SLC38A3: variants seen among roughly 807,000 people sequenced by gnomAD.
The protein encoded by SLC38A3 is solute carrier family 38 member 3, also known as sodium-coupled neutral amino acid transporter 3.
A neutral mutation model predicts 59.5 loss-of-function variants in SLC38A3; 17 were observed. That is an observed-to-expected ratio of 0.29 (90% CI 0.20 to 0.43). SLC38A3 has a LOEUF of 0.43. SLC38A3 is among the 20% of genes least tolerant of loss of function. The pLI, the probability that SLC38A3 is intolerant of heterozygous loss-of-function variation, is 1.00. For synonymous variants in SLC38A3, 238 were observed against 260.3 expected, an observed-to-expected ratio of 0.91 and a Z score of 0.82; for missense variants, 454 against 653.9, an observed-to-expected ratio of 0.69 and a Z score of 3.33.
In SLC38A3 at chr3:50,219,810, A is replaced by C. The variant is rs1008247188; in HGVS notation, c.1307-71A>C. 2.9e-5 allele frequency: 37 copies of C among 1,271,998 alleles called. No homozygotes were observed. The African/African-American group carries it at 4.9e-4, about 17-fold the overall frequency. The allele number at this position is 1,271,998 out of a possible 1,614,324, so 78.8% of individuals were successfully genotyped here. Reference sequence around the variant, plus strand: ...CAACAAGGAGTGTTTGATCTCATTGAAGAGTCCACCCCCGAACCTTAGTCA... The same window carrying C: ...CAACAAGGAGTGTTTGATCTCATTGCAGAGTCCACCCCCGAACCTTAGTCA... On this transcript the variant is annotated intron_variant, in intron 14 of 15. Coordinates refer to ENST00000614032, the MANE Select transcript of SLC38A3 (RefSeq NM_006841.6).
In SLC38A3 at chr3:50,215,919, G is replaced by A; in HGVS notation, c.548+98G>A. 1.2e-6 allele frequency: 1 copy of A among 808,282 alleles called. No homozygotes were observed. Among genetic ancestry groups the A allele is most frequent in the Non-Finnish European group, 2.0e-6 (1 of 501,340 alleles). The allele number at this position is 808,282 out of a possible 1,614,324, so 50.1% of individuals were successfully genotyped here. ...GTGAGGGTGGGGGGGCCCAGGCTGG[G>A]CTGGTGGGAGAGACAAGACAAAGCA... On this transcript the variant is annotated intron_variant, in intron 7 of 15. Transcript: ENST00000614032. This position sits in a 1 kb window ranked among gnomAD's most constrained non-coding sequence, Gnocchi z 7.1.
At chr3:50,211,673 C>T (rs1485086721) in intron 1 of SLC38A3, among the ~76,000 whole-genome samples, 1 of 150,138 alleles carries the variant, frequency 6.7e-6, no homozygotes, top group African/African-American at 2.4e-5. Context: ...ACTGCAACCT[C>T]CACCTCCTGG....
At chr3:50,211,971 A>C (rs886899873) in intron 1 of SLC38A3, among the ~76,000 whole-genome samples, 8 of 152,158 alleles carry the variant, frequency 5.3e-5, no homozygotes, top group Admixed American at 1.3e-4. Context: ...TGAGGGTGCT[A>C]TCTGGGGGGA....
intron 1 of SLC38A3, among the ~76,000 whole-genome samples, chr3:50,206,217 C>A (rs770380570): frequency 3.3e-5 from 5 of 152,274 alleles, no homozygotes; most frequent in African/African-American, 1.2e-4. Flanking sequence ...CGCCCTTTTC[C>A]CCCCACGGGG....
chr3:50,208,833 G>C (rs908704519), intron 1 of SLC38A3, among the ~76,000 whole-genome samples: 2 of 152,108 alleles, frequency 1.3e-5, no homozygotes, highest in African/African-American at 4.8e-5. Context: ...GACGCATGGA[G>C]CTAATGACTG....
chr3:50,209,826 G>A (rs932570902), intron 1 of SLC38A3, among the ~76,000 whole-genome samples: 6 of 152,122 alleles, frequency 3.9e-5, no homozygotes, highest in Non-Finnish European at 7.4e-5. Context: ...ATGGCCGGTA[G>A]TTCAGTTCTC....
In SLC38A3 at chr3:50,218,800, C is replaced by G. The variant is rs201506554; in HGVS notation, c.1162-4C>G. 5 of 1,604,432 alleles carry G rather than the reference C, an allele frequency of 3.1e-6. No homozygotes were observed. In the South Asian group the frequency reaches 3.3e-5, roughly 11 times the overall value. ...GCTGATGATTCTTCTCACCTGCCCC[C>G]CAGGTGCGCCGCGCCATCCAGCAGA... On this transcript the variant is annotated splice_polypyrimidine_tract_variant and splice_region_variant and intron_variant, in intron 13 of 15. Transcript: ENST00000614032. The surrounding 1 kb of genome is among the most constrained non-coding windows in gnomAD (Gnocchi z 5.8).
chr3:50,216,801 C>G (rs1446940946), intron 7 of SLC38A3, among the ~76,000 whole-genome samples: 1 of 145,810 alleles, frequency 6.9e-6, no homozygotes, highest in Non-Finnish European at 1.5e-5. Flanking sequence ...GAGACGGAGT[C>G]TCGCTCAGTC....
At position 50,214,111 on chromosome 3, in the gene SLC38A3, A is replaced by G; in HGVS notation, c.-51-38A>G. ...GGTAGGAGGCTAGGCCGTAGGCCCA[A>G]GTAACGGGGCTAACCAGAGGGACCG... is the stretch of plus-strand genomic sequence containing the variant. On this transcript the variant is annotated intron_variant, in intron 1 of 15. Coordinates refer to ENST00000614032, the MANE Select transcript of SLC38A3 (RefSeq NM_006841.6). This position sits in a 1 kb window ranked among gnomAD's most constrained non-coding sequence, Gnocchi z 6.0. 1 of 1,299,444 alleles carries G rather than the reference A, an allele frequency of 7.7e-7. No homozygotes were observed. The highest frequency in any genetic ancestry group is 1.3e-5 in the South Asian group (1 of 76,926). The allele number at this position is 1,299,444 out of a possible 1,614,324, so 80.5% of individuals were successfully genotyped here. A position where few individuals can be genotyped will look rare whatever the true frequency, so the allele number is the denominator to read the frequency against.
At position 50,218,817 on chromosome 3, in the gene SLC38A3, T is replaced by C. The variant is rs1243899453; in HGVS notation, c.1175T>C (p.Ile392Thr). ...PIVLFPVRRAIQQMLFPNQEF... is the reference protein window; with the variant it reads ...PIVLFPVRRATQQMLFPNQEF... ...CCTGCCCCCCAGGTGCGCCGCGCCA[T>C]CCAGCAGATGCTGTTTCCAAACCAG... is the stretch of plus-strand genomic sequence containing the variant. Residue 392 changes from isoleucine to threonine, a missense_variant, in exon 14 of 16, where the codon ATC becomes ACC. Ile to Thr is a moderately conservative substitution (Grantham distance 89). Transcript: ENST00000614032. The surrounding 1 kb of genome is among the most constrained non-coding windows in gnomAD (Gnocchi z 5.8). The C allele has an allele frequency of 6.2e-7, 1 of 1,609,944 alleles. No individual in the cohort carries two copies. The highest frequency in any genetic ancestry group is 1.3e-5 in the African/African-American group (1 of 74,846).
chr3:50,216,262 G>C (rs988490776), intron 7 of SLC38A3, among the ~76,000 whole-genome samples: 5 of 152,236 alleles, frequency 3.3e-5, no homozygotes, highest in African/African-American at 1.2e-4. Flanking sequence ...GGACAGAGGG[G>C]ACACAGCCAG....
chr3:50,212,761 C>T (rs1186223912), intron 1 of SLC38A3, among the ~76,000 whole-genome samples: 1 of 152,220 alleles, frequency 6.6e-6, no homozygotes, highest in Non-Finnish European at 1.5e-5. Context: ...CTCTCTTGTT[C>T]ACCCCTAGCC....
Position 50,211,568 on chromosome 3 carries a change from CTTTTTTTTT to C in SLC38A3, c.-51-2562_-51-2554del, listed in dbSNP as rs765148889. Among the ~76,000 whole-genome samples, 62 of 81,212 alleles carry C rather than the reference CTTTTTTTTT, an allele frequency of 7.6e-4. 3 individuals are homozygous for C. The South Asian group carries it at 0.027, about 35-fold the overall frequency. 53.3% of individuals were successfully genotyped at this position (81,212 alleles called of 152,430 possible). A position where few individuals can be genotyped will look rare whatever the true frequency, so the allele number is the denominator to read the frequency against. ...GGAAGTCTTCCTTGATGCCCCCATC[CTTTTTTTTT>C]TTTTTTTTTTTTTTTTTTCTTTTTT... On this transcript the variant is annotated intron_variant, in intron 1 of 15. Transcript: ENST00000614032.
rs759262194 is a variant in SLC38A3 at position 50,214,271 on chromosome 3, G to T, written c.72G>T (p.Pro24=). The change falls in exon 2 of 16, where the codon CCG becomes CCT. Residue 24 remains proline (P), a synonymous_variant. Transcript: ENST00000614032. The surrounding 1 kb of genome is among the most constrained non-coding windows in gnomAD (Gnocchi z 6.0). ...GCAAACACTCAGAGGGGCTGCTCCC[G>T]GTCATCACCCCCATGGCAGGCAACC... ...PNGKHSEGLL[P]VITPMAGNQR... 1.9e-6 allele frequency: 3 copies of T among 1,613,934 alleles called. No individual in the cohort carries two copies. Among genetic ancestry groups the T allele is most frequent in the East Asian group, 2.2e-5 (1 of 44,886 alleles).
At chr3:50,212,908 C>CAGGT (rs1027741597) in intron 1 of SLC38A3, among the ~76,000 whole-genome samples, 3 of 152,166 alleles carry the variant, frequency 2.0e-5, no homozygotes, top group Non-Finnish European at 4.4e-5. Flanking sequence ...GATTCAGGAC[C>CAGGT]AGGTTCTGGC....
chr3:50,208,727 T>C (rs1313592017), intron 1 of SLC38A3, among the ~76,000 whole-genome samples: 2 of 152,236 alleles, frequency 1.3e-5, no homozygotes, highest in African/African-American at 4.8e-5. Context: ...TGTGTGTTTT[T>C]CTGTCTGTGT....
rs1240888377 is a variant in SLC38A3, at chr3:50,217,728, A to C, written c.743A>C (p.Asn248Thr). The change falls in exon 10 of 16, where the codon AAC becomes ACC. Residue 248 changes from asparagine (N) to threonine (T), a missense_variant. Physicochemically the swap from Asn to Thr is moderately conservative, Grantham distance 65. Transcript: ENST00000614032. This position sits in a 1 kb window ranked among gnomAD's most constrained non-coding sequence, Gnocchi z 4.9. ...TGCCCACTGCCCCCCAACTTCAACAACACCACAGGCAACTTCAGCCACGTG... is the reference window on the plus strand; with the variant it reads ...TGCCCACTGCCCCCCAACTTCAACACCACCACAGGCAACTTCAGCCACGTG... ...VPCPLPPNFNNTTGNFSHVEI... is the reference protein window; with the variant it reads ...VPCPLPPNFNTTTGNFSHVEI... 2 of 1,613,716 alleles carry C rather than the reference A, an allele frequency of 1.2e-6. No homozygotes were observed. Among genetic ancestry groups the C allele is most frequent in the African/African-American group, 1.3e-5 (1 of 74,906 alleles).
In SLC38A3 at chr3:50,218,041, G is replaced by A; in HGVS notation, c.935+45G>A. On this transcript the variant is annotated intron_variant, in intron 11 of 15. Transcript: ENST00000614032. This position sits in a 1 kb window ranked among gnomAD's most constrained non-coding sequence, Gnocchi z 5.8. Reference sequence around the variant, plus strand: ...AGTGGGGGTGGGGATGCCCTGAGCTGGTTTGGGGAGAATGGATGTGGTCCT... The same window carrying A: ...AGTGGGGGTGGGGATGCCCTGAGCTAGTTTGGGGAGAATGGATGTGGTCCT... 6.3e-7 allele frequency: 1 copy of A among 1,575,928 alleles called. No individual in the cohort carries two copies. Among genetic ancestry groups the A allele is most frequent in the South Asian group, 1.1e-5 (1 of 89,844 alleles).
At position 50,218,094 on chromosome 3, in the gene SLC38A3, C is replaced by A; in HGVS notation, c.935+98C>A. On this transcript the variant is annotated intron_variant, in intron 11 of 15. Transcript: ENST00000614032. This position sits in a 1 kb window ranked among gnomAD's most constrained non-coding sequence, Gnocchi z 5.8. ...ATGTGGAGAGGGGAGTGACAGGAGCCAAGTCACTTTATCTGAGATGTCCTT... is the reference window on the plus strand; with the variant it reads ...ATGTGGAGAGGGGAGTGACAGGAGCAAAGTCACTTTATCTGAGATGTCCTT... 2 of 1,283,584 alleles carry A rather than the reference C, an allele frequency of 1.6e-6. No homozygotes were observed. The highest frequency in any genetic ancestry group is 2.2e-6 in the Non-Finnish European group (2 of 894,822). The allele number at this position is 1,283,584 out of a possible 1,614,324, so 79.5% of individuals were successfully genotyped here. A position where few individuals can be genotyped will look rare whatever the true frequency, so the allele number is the denominator to read the frequency against.
Sources: gnomAD v4.1 joint callset for allele counts (sites outside exome capture counted in the v4.1 genomes callset) on GRCh38, gnomAD v4.1.1 for gene constraint, Gnocchi (gnomAD v3.1) non-coding constraint, MANE v1.5 for transcripts, NCBI Gene and HGNC (gene_info 2026-07-23, HGNC 2026-07-21) for gene names.